The following ZEB1 variants were observed in gnomAD, a reference collection of about 807,000 sequenced individuals.
ZEB1 encodes the protein zinc finger E-box-binding homeobox 1.
In ZEB1, 21 loss-of-function variants were observed where a neutral mutation model predicts 84.9. The observed-to-expected ratio is 0.25, with a 90% confidence interval of 0.18 to 0.36. The LOEUF is 0.36. Among genes scored for constraint, ZEB1 ranks in the 10% least tolerant of loss-of-function variants. The pLI is 1.00. For synonymous variants in ZEB1, 420 were observed against 471.1 expected (o/e 0.89, Z 1.41); for missense variants, 1,104 against 1,330.2 (o/e 0.83, Z 2.65).
intron 4 of ZEB1, among the ~76,000 whole-genome samples, chr10:31,505,407 C>A (rs1472762091): frequency 6.6e-6 from 1 of 151,900 alleles, no homozygotes; most frequent in Non-Finnish European, 1.5e-5. Flanking sequence ...AGCAGTGAAC[C>A]CTTTCAGTCC....
At chr10:31,460,979 T>C in intron 1 of ZEB1, 58 bp from the exon 2 acceptor site, 1 of 1,390,018 alleles carries the variant, frequency 7.2e-7, no homozygotes, top group Non-Finnish European at 1.0e-6. Flanking sequence ...TTCTGAGATG[T>C]AAAAACTGAT....
intron 8 of ZEB1, among the ~76,000 whole-genome samples, chr10:31,526,053 C>A (rs768176777): frequency 6.6e-6 from 1 of 152,208 alleles, no homozygotes; most frequent in Non-Finnish European, 1.5e-5. Flanking sequence ...CAGCAACACT[C>A]CTGTAGCCCA....
intron 1 of ZEB1, among the ~76,000 whole-genome samples, chr10:31,444,773 A>T (rs2059542261): frequency 6.6e-6 from 1 of 151,506 alleles, no homozygotes. Flanking sequence ...ATTGATCTAT[A>T]TCTCTGTTTT....
chr10:31,370,143 T>C (rs1201906442), intron 1 of ZEB1, among the ~76,000 whole-genome samples: 1 of 152,230 alleles, frequency 6.6e-6, no homozygotes, highest in Admixed American at 6.5e-5. Context: ...ATATTTCTTT[T>C]TATATTTCCT....
rs530332406 is a variant in ZEB1 at position 31,409,485 on chromosome 10, G to T, written c.59-51552G>T. On this transcript the variant is annotated intron_variant, in intron 1 of 8. Transcript: ENST00000424869. ...GTTCTTTTGGCTTAGGATTGTCTTG[G>T]CTATACGGGCTCTTTTTTGGTTCCG... 5.9e-5 allele frequency among the ~76,000 whole-genome samples: 9 copies of T among 152,144 alleles called. No individual in the cohort carries two copies. In the South Asian group the frequency reaches 1.9e-3, roughly 32 times the overall value.
intron 1 of ZEB1, among the ~76,000 whole-genome samples, chr10:31,372,577 C>T (rs957138606): frequency 3.9e-5 from 6 of 151,992 alleles, no homozygotes; most frequent in Admixed American, 2.0e-4. Flanking sequence ...GGCAGGATTA[C>T]GCTAAAGTGT....
At chr10:31,339,732 T>A (rs1289696592) in intron 1 of ZEB1, among the ~76,000 whole-genome samples, 1 of 150,698 alleles carries the variant, frequency 6.6e-6, no homozygotes, top group African/African-American at 2.4e-5. Flanking sequence ...ATTGCACCAC[T>A]CACTCCAGCG....
chr10:31,413,129 C>T (rs1209482284), intron 1 of ZEB1, among the ~76,000 whole-genome samples: 1 of 152,120 alleles, frequency 6.6e-6, no homozygotes, highest in Non-Finnish European at 1.5e-5. Flanking sequence ...ATTTGCATGA[C>T]ATTATTACAA....
rs575916787 is a variant in ZEB1 at position 31,521,337 on chromosome 10, A to G, written c.2005A>G (p.Asn669Asp). 59 of 1,614,092 alleles carry G rather than the reference A, an allele frequency of 3.7e-5. No individual in the cohort carries two copies. The East Asian group carries it at 1.0e-3, about 29-fold the overall frequency. The change falls in exon 7 of 9, where the codon AAT becomes GAT. Residue 669 changes from asparagine to aspartate, a missense_variant. Asn to Asp is a conservative substitution (Grantham distance 23, BLOSUM62 1). Transcript: ENST00000424869. ...TGATCAGCCTCAATCTGCAAATGCAAATGAACCCCAGGACAGCACAGTAAA... is the reference window on the plus strand; with the variant it reads ...TGATCAGCCTCAATCTGCAAATGCAGATGAACCCCAGGACAGCACAGTAAA... ...NNDQPQSANANEPQDSTVNLQ... is the reference protein window; with the variant it reads ...NNDQPQSANADEPQDSTVNLQ...
At chr10:31,473,420 C>G (rs2063575614) in intron 2 of ZEB1, among the ~76,000 whole-genome samples, 1 of 151,972 alleles carries the variant, frequency 6.6e-6, no homozygotes, top group South Asian at 2.1e-4. Flanking sequence ...CAGTAACAGA[C>G]AAACAGAGAG....
intron 1 of ZEB1, among the ~76,000 whole-genome samples, chr10:31,433,934 A>G (rs1388059706): frequency 6.6e-6 from 1 of 152,234 alleles, no homozygotes; most frequent in Non-Finnish European, 1.5e-5. Flanking sequence ...CTTGCTGAAA[A>G]GACAATAATG....
In ZEB1 at chr10:31,521,802, G is replaced by C. The variant is rs1301553502; in HGVS notation, c.2470G>C (p.Val824Leu). Reference sequence around the variant, plus strand: ...CGTGGCCATTGCTGACCAGAACAGTGTTCCATGCTTAAGAGCGCTAGCTGC... The same window carrying C: ...CGTGGCCATTGCTGACCAGAACAGTCTTCCATGCTTAAGAGCGCTAGCTGC... ...TIVAIADQNS[V>L]PCLRALAANK... Residue 824 changes from valine to leucine, a missense_variant, in exon 7 of 9, where the codon GTT (valine) becomes CTT (leucine). Physicochemically the swap from Val to Leu is conservative, Grantham distance 32 (BLOSUM62 1). Around this residue, in one of 7 missense-constraint regions of ZEB1, gnomAD observed 531 missense variants for 575.2 expected, o/e 0.92. Transcript: ENST00000424869. The C allele has an allele frequency of 6.2e-7, 1 of 1,613,748 alleles. No homozygotes were observed. Among genetic ancestry groups the C allele is most frequent in the Admixed American group, 1.7e-5 (1 of 59,968 alleles).
chr10:31,484,135 A>C (rs1202402661), intron 2 of ZEB1, among the ~76,000 whole-genome samples: 3 of 151,954 alleles, frequency 2.0e-5, no homozygotes, highest in African/African-American at 7.2e-5. Flanking sequence ...TTTCACTTTT[A>C]AGAGCTCGTG....
intron 1 of ZEB1, among the ~76,000 whole-genome samples, chr10:31,437,915 A>G (rs1018537544): frequency 1.1e-4 from 16 of 152,232 alleles, no homozygotes; most frequent in African/African-American, 3.6e-4. Flanking sequence ...CTACTAATCG[A>G]TAAGCCTCAA....
At chr10:31,454,110 C>T (rs969829382) in intron 1 of ZEB1, among the ~76,000 whole-genome samples, 2 of 152,138 alleles carry the variant, frequency 1.3e-5, no homozygotes, top group African/African-American at 4.8e-5. Flanking sequence ...TGAACATACA[C>T]AAATCAACAA....
At chr10:31,504,157 A>G (rs1364833861) in intron 4 of ZEB1, among the ~76,000 whole-genome samples, 1 of 152,058 alleles carries the variant, frequency 6.6e-6, no homozygotes. Flanking sequence ...ATAGGAGTCC[A>G]GTTTCATTCT....
Position 31,521,412 on chromosome 10 carries a change from T to A in ZEB1, c.2080T>A (p.Ser694Thr). Residue 694 changes from serine to threonine, a missense_variant, in exon 7 of 9, where the codon TCA becomes ACA. By Grantham distance (58) the Ser-to-Thr change is moderately conservative. Transcript: ENST00000424869. Reference sequence around the variant, plus strand: ...TAACTCCCCAGTTTTACCAGTGGGATCAACCACCAATGGTTCCAGAAGTAG... The same window carrying A: ...TAACTCCCCAGTTTTACCAGTGGGAACAACCACCAATGGTTCCAGAAGTAG... The part of the protein sequence containing the change: ...MTNSPVLPVG[S>T]TTNGSRSSTP... 6.2e-7 allele frequency: 1 copy of A among 1,614,106 alleles called. No individual in the cohort carries two copies. Among genetic ancestry groups the A allele is most frequent in the African/African-American group, 1.3e-5 (1 of 75,032 alleles).
At chr10:31,484,834 T>C (rs1000151485) in intron 2 of ZEB1, among the ~76,000 whole-genome samples, 2 of 152,024 alleles carry the variant, frequency 1.3e-5, no homozygotes, top group African/African-American at 4.8e-5. Flanking sequence ...TATGTCACTG[T>C]TTGTTATATA....
intron 1 of ZEB1, among the ~76,000 whole-genome samples, chr10:31,440,752 T>C (rs561987468): frequency 6.6e-6 from 1 of 152,310 alleles, no homozygotes; most frequent in African/African-American, 2.4e-5. Context: ...AGCATTCTTA[T>C]ACACCAATAA....
Sources: gnomAD v4.1 joint callset for allele counts (sites outside exome capture counted in the v4.1 genomes callset) on GRCh38, gnomAD v4.1.1 for gene constraint, gnomAD v4.1.1 regional missense constraint, MANE v1.5 for transcripts, NCBI Gene and HGNC (gene_info 2026-07-23, HGNC 2026-07-21) for gene names.